The following PRKCB variants were observed in gnomAD, a reference collection of about 807,000 sequenced individuals.
PRKCB encodes protein kinase C beta, also known as protein kinase C beta type.
A neutral mutation model predicts 81.5 loss-of-function variants in PRKCB; 13 were observed. The ratio of observed to expected loss-of-function variants is 0.16; its 90% CI spans 0.10 to 0.25. The LOEUF (loss-of-function observed/expected upper bound fraction) is 0.25, where lower values mean the gene tolerates loss of function less well. Ranked by LOEUF, PRKCB falls within the 10% of genes least tolerant of loss-of-function variation. PRKCB has a pLI of 1.00. For missense variants in PRKCB, 509 were observed against 875.7 expected (o/e 0.58, Z 5.29); for synonymous variants, 335 against 321.4 (o/e 1.04, Z -0.45).
In PRKCB at chr16:24,217,464, G is replaced by A. The variant is rs1163554059; in HGVS notation, c.*2648G>A. ...AGAATTAATAACCCTCCTTGGATGA[G>A]TGCTACTGTTTTCACATGGCTTCAG... On this transcript the variant is annotated 3_prime_UTR_variant, in exon 17 of 17. Coordinates refer to ENST00000643927, the MANE Select transcript of PRKCB (RefSeq NM_002738.7). 62 of 985,340 alleles carry A rather than the reference G, an allele frequency of 6.3e-5. No individual in the cohort carries two copies. The highest frequency in any genetic ancestry group is 1.2e-4 in the Admixed American group (2 of 16,272). 61.0% of individuals were successfully genotyped at this position (985,340 alleles called of 1,614,324 possible).
intron 2 of PRKCB, among the ~76,000 whole-genome samples, chr16:23,926,688 T>C (rs1169255855): frequency 6.6e-6 from 1 of 150,610 alleles, no homozygotes; most frequent in Non-Finnish European, 1.5e-5. Context: ...TATATATAAA[T>C]ATATATACAT....
intron 5 of PRKCB, among the ~76,000 whole-genome samples, chr16:24,045,265 T>C (rs1035059380): frequency 8.5e-5 from 13 of 152,170 alleles, no homozygotes; most frequent in Non-Finnish European, 1.8e-4. Context: ...GTTCTCAGCT[T>C]GAGCAGAGCT....
intron 2 of PRKCB, among the ~76,000 whole-genome samples, chr16:23,886,447 C>CT (rs1963204957): frequency 8.6e-6 from 1 of 115,786 alleles, no homozygotes; most frequent in Non-Finnish European, 1.6e-5. Flanking sequence ...AAGTCTCACT[C>CT]TGTCGCCCAG....
intron 2 of PRKCB, among the ~76,000 whole-genome samples, chr16:23,868,733 A>G (rs1041884677): frequency 3.3e-5 from 5 of 152,228 alleles, no homozygotes; most frequent in Non-Finnish European, 7.3e-5. Flanking sequence ...AGATTTTTAT[A>G]AAGTGGTGAC....
intron 2 of PRKCB, among the ~76,000 whole-genome samples, chr16:23,839,366 T>C (rs1962227325): frequency 6.8e-6 from 1 of 147,298 alleles, no homozygotes; most frequent in African/African-American, 2.5e-5. Context: ...CTCAAACTCA[T>C]GGGCTCAAGT....
chr16:23,865,483 A>ATC (rs1436900914), intron 2 of PRKCB, among the ~76,000 whole-genome samples: 7 of 4,694 alleles, frequency 1.5e-3, no homozygotes, highest in African/African-American at 8.5e-3. Flanking sequence ...ATATATATAT[A>ATC]TATATATATA....
chr16:24,158,676 A>G (rs185812241), intron 10 of PRKCB, among the ~76,000 whole-genome samples: 3 of 151,892 alleles, frequency 2.0e-5, no homozygotes, highest in South Asian at 4.2e-4. Flanking sequence ...ATGTATTTTT[A>G]GAGACAGGGT....
At chr16:24,093,977 A>C (rs1385248324) in intron 6 of PRKCB, among the ~76,000 whole-genome samples, 186 bp from the exon 7 acceptor site, 1 of 152,256 alleles carries the variant, frequency 6.6e-6, no homozygotes, top group Non-Finnish European at 1.5e-5. Context: ...TTTAAGCCAC[A>C]GGCTGTCAAA....
At chr16:23,900,725 T>G (rs1291674735) in intron 2 of PRKCB, among the ~76,000 whole-genome samples, 2 of 132,874 alleles carry the variant, frequency 1.5e-5, no homozygotes, top group Non-Finnish European at 3.2e-5. Context: ...CAGGTTTTTT[T>G]TTTTTTTTTT....
chr16:23,956,293 A>G (rs1297130762), intron 2 of PRKCB, among the ~76,000 whole-genome samples: 1 of 151,622 alleles, frequency 6.6e-6, no homozygotes, highest in Non-Finnish European at 1.5e-5. Context: ...AATTTTTGTA[A>G]TATTTTTTTT....
intron 2 of PRKCB, among the ~76,000 whole-genome samples, chr16:23,900,659 A>C (rs1963455425): frequency 7.1e-6 from 1 of 140,888 alleles, no homozygotes; most frequent in Non-Finnish European, 1.5e-5. Flanking sequence ...GACGTATCTT[A>C]GAGATATTTT....
Position 24,168,129 on chromosome 16 carries a change from T to A in PRKCB, c.1240-4141T>A, listed in dbSNP as rs868653715. Among the ~76,000 whole-genome samples the A allele has an allele frequency of 5.9e-3, 902 of 152,348 alleles. 7 individuals are homozygous for A. The highest frequency in any genetic ancestry group is 0.02 in the African/African-American group (844 of 41,574). The stretch of plus-strand genomic sequence containing the variant: ...TTTTTTTAAATGGTGAATTAAATGC[T>A]TGTTATATGGCCAGCATCATGTTAG... On this transcript the variant is annotated intron_variant, in intron 10 of 16. Coordinates refer to ENST00000643927, the MANE Select transcript of PRKCB (RefSeq NM_002738.7).
chr16:23,852,225 G>A (rs1962484830), intron 2 of PRKCB, among the ~76,000 whole-genome samples: 4 of 152,200 alleles, frequency 2.6e-5, no homozygotes, highest in South Asian at 2.1e-4. Flanking sequence ...GTGCTGAGAA[G>A]GATGTTAGCT....
At chr16:24,146,879 G>A (rs918497729) in intron 9 of PRKCB, among the ~76,000 whole-genome samples, 1 of 152,102 alleles carries the variant, frequency 6.6e-6, no homozygotes. Flanking sequence ...TGGTATTAAA[G>A]TTTCTGGAAG....
rs769064744 is a variant in PRKCB at position 24,191,003 on chromosome 16, C to T, written c.1723-87C>T. The T allele has an allele frequency of 2.6e-4, 375 of 1,439,250 alleles. 1 individual carries two copies. Among genetic ancestry groups the T allele is most frequent in the Non-Finnish European group, 3.3e-4 (345 of 1,055,546 alleles). The allele number at this position is 1,439,250 out of a possible 1,614,324, so 89.2% of individuals were successfully genotyped here. A position where few individuals can be genotyped will look rare whatever the true frequency, so the allele number is the denominator to read the frequency against. On this transcript the variant is annotated intron_variant, in intron 15 of 16. Coordinates refer to ENST00000643927, the MANE Select transcript of PRKCB (RefSeq NM_002738.7). Reference sequence around the variant, plus strand: ...GAGATTCTTCATTTGCGCTTTCTTTCCTAATGCATTGGAGTAATAATTTCT... The same window carrying T: ...GAGATTCTTCATTTGCGCTTTCTTTTCTAATGCATTGGAGTAATAATTTCT...
chr16:23,849,234 C>A (rs1427837503), intron 2 of PRKCB, among the ~76,000 whole-genome samples: 1 of 152,204 alleles, frequency 6.6e-6, no homozygotes, highest in Non-Finnish European at 1.5e-5. Context: ...GATTTGTGAC[C>A]ATTTCACCCT....
intron 2 of PRKCB, among the ~76,000 whole-genome samples, chr16:23,979,353 C>G (rs537215682): frequency 1.4e-4 from 21 of 152,138 alleles, no homozygotes; most frequent in Non-Finnish European, 2.4e-4. Flanking sequence ...CTTCTGCTGT[C>G]CCCTGGTGCT....
At chr16:23,887,208 T>C (rs1359615700) in intron 2 of PRKCB, among the ~76,000 whole-genome samples, 2 of 152,206 alleles carry the variant, frequency 1.3e-5, no homozygotes, top group African/African-American at 2.4e-5. Flanking sequence ...ACATATTTTG[T>C]TTTTTATTTT....
rs539041605 is a variant in PRKCB at position 23,879,177 on chromosome 16, CA to C, written c.205+41782del. On this transcript the variant is annotated intron_variant, in intron 2 of 16. Coordinates refer to ENST00000643927, the MANE Select transcript of PRKCB (RefSeq NM_002738.7). Reference sequence around the variant, plus strand: ...TGGGCGACAGAATGAGACTCCATCTCAAAAAAAAAAAGAGGCAGTGTAGTGG... The same window carrying C: ...TGGGCGACAGAATGAGACTCCATCTCAAAAAAAAAAGAGGCAGTGTAGTGG... 1.2e-3 allele frequency among the ~76,000 whole-genome samples: 167 copies of C among 144,076 alleles called. 2 individuals carry two copies. Among genetic ancestry groups the C allele is most frequent in the African/African-American group, 3.2e-3 (124 of 39,210 alleles). The allele number at this position is 144,076 out of a possible 152,430, so 94.5% of individuals were successfully genotyped here. A position where few individuals can be genotyped will look rare whatever the true frequency, so the allele number is the denominator to read the frequency against.
Sources: gnomAD v4.1 joint callset for allele counts (sites outside exome capture counted in the v4.1 genomes callset) on GRCh38, gnomAD v4.1.1 for gene constraint, MANE v1.5 for transcripts, NCBI Gene and HGNC (gene_info 2026-07-23, HGNC 2026-07-21) for gene names.